Variants in SIRPG observed in about 807,000 individuals in gnomAD.
SIRPG encodes the protein signal regulatory protein gamma, also known as signal-regulatory protein gamma.
Under a neutral mutation model 35.7 loss-of-function variants are expected in SIRPG, and 38 were observed. The observed-to-expected ratio is 1.06, with a 90% confidence interval of 0.82 to 1.40. SIRPG has a LOEUF of 1.40. SIRPG is among the 40% of genes most tolerant of loss of function. SIRPG has a pLI of 0.00. For synonymous variants in SIRPG, 215 were observed against 190.4 expected (o/e 1.13, Z -1.06); for missense variants, 519 against 483.0 (o/e 1.07, Z -0.70).
the SIRPG span, among the ~76,000 whole-genome samples, chr20:1,673,148 AC>A: frequency 6.6e-6 from 1 of 152,160 alleles, no homozygotes; most frequent in Non-Finnish European, 1.5e-5. Flanking sequence ...CATGTGTCAG[AC>A]ATTTTGAGGG....
At chr20:1,631,237 G>A (rs1203327586) in intron 4 of SIRPG, among the ~76,000 whole-genome samples, 3 of 152,168 alleles carry the variant, frequency 2.0e-5, no homozygotes, top group African/African-American at 7.2e-5. Context: ...AGCATCTGTG[G>A]CTGCTGGGGT....
At chr20:1,681,771 G>C in the SIRPG span, among the ~76,000 whole-genome samples, 2 of 152,170 alleles carry the variant, frequency 1.3e-5, no homozygotes, top group African/African-American at 4.8e-5. Flanking sequence ...AGGAAGCAGA[G>C]GTTGCAGTGA....
the SIRPG span, among the ~76,000 whole-genome samples, chr20:1,683,461 A>T: frequency 1.1e-4 from 17 of 152,238 alleles, no homozygotes; most frequent in Admixed American, 1.1e-3. Context: ...CCATTGCAGC[A>T]TTATTTACAG....
At chr20:1,671,914 C>T in the SIRPG span, among the ~76,000 whole-genome samples, 1,602 of 152,262 alleles carry the variant, frequency 0.011, 31 homozygotes, top group African/African-American at 0.037. Context: ...AACCCACAAC[C>T]GTCTGGAGTG....
chr20:1,659,839 G>T (rs1235927745), upstream of SIRPG, among the ~76,000 whole-genome samples: 3 of 152,210 alleles, frequency 2.0e-5, no homozygotes, highest in Non-Finnish European at 4.4e-5. Flanking sequence ...GGCTGGGGCA[G>T]GTGCCATGCT....
chr20:1,664,621 G>A, the SIRPG span, among the ~76,000 whole-genome samples: 136 of 152,330 alleles, frequency 8.9e-4, no homozygotes, highest in African/African-American at 3.1e-3. Context: ...AGGTGGCAGA[G>A]ACTGAGGGTT....
chr20:1,633,350 A>C (rs1294604790), intron 4 of SIRPG, among the ~76,000 whole-genome samples: 1 of 152,276 alleles, frequency 6.6e-6, no homozygotes, highest in Non-Finnish European at 1.5e-5. Context: ...AGTGCACAGA[A>C]AGATAGTCAT....
chr20:1,661,096 A>T (rs563091116), upstream of SIRPG, among the ~76,000 whole-genome samples: 5 of 152,222 alleles, frequency 3.3e-5, no homozygotes, highest in Non-Finnish European at 7.3e-5. Flanking sequence ...TACCATTATC[A>T]TTATAGATAG....
At chr20:1,680,678 A>T in the SIRPG span, among the ~76,000 whole-genome samples, 2 of 151,456 alleles carry the variant, frequency 1.3e-5, no homozygotes, top group Non-Finnish European at 2.9e-5. Flanking sequence ...AATGTAATGT[A>T]CCATATTTAT....
intron 2 of SIRPG, among the ~76,000 whole-genome samples, chr20:1,640,637 A>G (rs899274872): frequency 2.0e-5 from 3 of 152,200 alleles, no homozygotes; most frequent in Admixed American, 2.0e-4. Context: ...CAGAACTTCT[A>G]ATACTATGTT....
chr20:1,680,845 T>C, the SIRPG span, among the ~76,000 whole-genome samples: 3 of 152,198 alleles, frequency 2.0e-5, no homozygotes, highest in African/African-American at 4.8e-5. Context: ...TTTTTGGCAC[T>C]ATCTAATTTA....
rs191592329 is a variant in SIRPG at position 1,655,181 on chromosome 20, T to A, written c.73+2461A>T. On this transcript the variant is annotated intron_variant, in intron 1 of 5. Coordinates refer to ENST00000303415, the MANE Select transcript of SIRPG (RefSeq NM_018556.4). ...ATCTGGTAATCTCACTACTGGCATA[T>A]ATCCAAAGGAAATGACATCAGCATG... Among the ~76,000 whole-genome samples, 527 of 152,272 alleles carry A rather than the reference T, an allele frequency of 3.5e-3. 1 individual carries two copies. Among genetic ancestry groups the A allele is most frequent in the African/African-American group, 0.011 (474 of 41,558 alleles).
chr20:1,650,042 A>T (rs2091930373), intron 1 of SIRPG, among the ~76,000 whole-genome samples: 1 of 141,296 alleles, frequency 7.1e-6, no homozygotes, highest in Non-Finnish European at 1.5e-5. Context: ...TATAAGTGTC[A>T]TATATATTTT....
intron 2 of SIRPG, among the ~76,000 whole-genome samples, chr20:1,641,021 T>C (rs1001402077): frequency 6.6e-6 from 1 of 152,180 alleles, no homozygotes; most frequent in Non-Finnish European, 1.5e-5. Context: ...CAGTATTTTA[T>C]TGAGGATTTT....
intron 2 of SIRPG, among the ~76,000 whole-genome samples, chr20:1,645,827 G>A (rs1005630079): frequency 1.3e-5 from 2 of 152,126 alleles, no homozygotes; most frequent in Admixed American, 1.3e-4. Flanking sequence ...ACCATTAGAG[G>A]CTCTGTGCAC....
the SIRPG span, among the ~76,000 whole-genome samples, chr20:1,683,211 C>G: frequency 6.6e-6 from 1 of 152,158 alleles, no homozygotes; most frequent in Non-Finnish European, 1.5e-5. Flanking sequence ...CATCTCACAC[C>G]TGTTAGAATG....
chr20:1,652,748 A>G (rs2091948896), intron 1 of SIRPG, among the ~76,000 whole-genome samples: 1 of 152,206 alleles, frequency 6.6e-6, no homozygotes. Context: ...TATTGCACTT[A>G]TCATTGTCAA....
chr20:1,630,325 G>A lies in SIRPG; in HGVS notation c.1082-19C>T, dbSNP rs758873085. ...GCCGGGCCTGGAAATCAGGGAAGAC[G>A]AGGGGCTATGAGAGAGACCACTTGG... On this transcript the variant is annotated intron_variant, in intron 4 of 5. Transcript: ENST00000303415. The A allele has an allele frequency of 4.7e-5, 73 of 1,539,550 alleles. No individual in the cohort carries two copies. Among genetic ancestry groups the A allele is most frequent in the South Asian group, 2.4e-4 (20 of 83,740 alleles).
At chr20:1,680,176 CTT>C in the SIRPG span, among the ~76,000 whole-genome samples, 3 of 152,184 alleles carry the variant, frequency 2.0e-5, no homozygotes, top group Non-Finnish European at 4.4e-5. Context: ...AAAAATACCT[CTT>C]CTCTATAAAA....
Sources: allele counts gnomAD v4.1 joint callset (sites outside exome capture counted in the v4.1 genomes callset), GRCh38; gene constraint gnomAD v4.1.1; transcripts MANE v1.5; gene names NCBI Gene and HGNC (gene_info 2026-07-23, HGNC 2026-07-21).